Variants in MEI4 observed in about 807,000 individuals in gnomAD.
MEI4 encodes meiotic double-stranded break formation protein 4.
Under a neutral mutation model 31.4 loss-of-function variants are expected in MEI4, and 27 were observed. The ratio of observed to expected loss-of-function variants is 0.86; its 90% CI spans 0.63 to 1.19. The LOEUF (loss-of-function observed/expected upper bound fraction) is 1.19. Among genes scored for constraint, MEI4 ranks in the 50% most tolerant of loss-of-function variants. MEI4 has a pLI of 0.00. For synonymous variants in MEI4, 122 were observed against 145.4 expected (o/e 0.84, Z 1.16); for missense variants, 329 against 398.9 (o/e 0.82, Z 1.49).
chr6:77,710,135 C>A (rs1766425145), intron 2 of MEI4, among the ~76,000 whole-genome samples: 2 of 152,186 alleles, frequency 1.3e-5, no homozygotes, highest in African/African-American at 4.8e-5. Flanking sequence ...ACAGTGACAG[C>A]AAACTTAGTT....
chr6:77,826,670 G>C (rs1327708906), intron 3 of MEI4, among the ~76,000 whole-genome samples: 1 of 152,152 alleles, frequency 6.6e-6, no homozygotes, highest in Admixed American at 6.5e-5. Context: ...ACTTTAGAGG[G>C]AGTATTCCTA....
At chr6:77,755,825 G>GGTGTGTGTGTGT (rs34181852) in intron 2 of MEI4, among the ~76,000 whole-genome samples, 3,169 of 145,210 alleles carry the variant, frequency 0.022, 77 homozygotes, top group African/African-American at 0.057. Flanking sequence ...GTGCTGGAAT[G>GGTGTGTGTGTGT]GTGTGTGTGT....
chr6:77,814,947 GT>G (rs2127706090), intron 3 of MEI4, among the ~76,000 whole-genome samples: 1 of 152,072 alleles, frequency 6.6e-6, no homozygotes, highest in Non-Finnish European at 1.5e-5. Context: ...ATACTTTTTG[GT>G]TTACGTACAT....
chr6:77,909,026 C>T (rs1450575304), intron 4 of MEI4, among the ~76,000 whole-genome samples: 1 of 152,102 alleles, frequency 6.6e-6, no homozygotes, highest in East Asian at 1.9e-4. Context: ...ACAGAACTCT[C>T]CACCCCAAAT....
chr6:77,918,089 G>T (rs375465169), intron 4 of MEI4, among the ~76,000 whole-genome samples: 2 of 150,032 alleles, frequency 1.3e-5, no homozygotes, highest in African/African-American at 4.9e-5. Context: ...GATATGTGGC[G>T]TTATTTCTGA....
At chr6:77,789,934 T>C (rs1768868636) in intron 3 of MEI4, among the ~76,000 whole-genome samples, 2 of 152,162 alleles carry the variant, frequency 1.3e-5, no homozygotes, top group Non-Finnish European at 2.9e-5. Flanking sequence ...TAAATCATGC[T>C]GCTATAAAGA....
intron 2 of MEI4, among the ~76,000 whole-genome samples, chr6:77,732,085 G>A (rs1767015819): frequency 6.6e-6 from 1 of 150,632 alleles, no homozygotes; most frequent in Admixed American, 6.6e-5. Context: ...TTGTTCTTTT[G>A]ACTTAGGATT....
At position 77,806,031 on chromosome 6, in the gene MEI4, C is replaced by T. The variant is rs150258379; in HGVS notation, c.769-22900C>T. Among the ~76,000 whole-genome samples, 444 of 152,180 alleles carry T rather than the reference C, an allele frequency of 2.9e-3. 1 individual carries two copies. The highest frequency in any genetic ancestry group is 0.01 in the African/African-American group (422 of 41,534). ...TAACCTGACCTCTCACAATCCCTTT[C>T]GTCTGGCTTGTTTCATATTGCTTTG... On this transcript the variant is annotated intron_variant, in intron 3 of 4. Coordinates refer to ENST00000684080, the MANE Select transcript of MEI4 (RefSeq NM_001322247.2).
intron 1 of MEI4, among the ~76,000 whole-genome samples, chr6:77,659,381 A>T (rs1038660581): frequency 2.0e-5 from 3 of 152,164 alleles, no homozygotes; most frequent in African/African-American, 7.2e-5. Context: ...TGTGTGAGGC[A>T]AAACTGGAGA....
intron 3 of MEI4, among the ~76,000 whole-genome samples, chr6:77,810,026 C>G (rs888738864): frequency 1.3e-5 from 2 of 152,182 alleles, no homozygotes; most frequent in Non-Finnish European, 2.9e-5. Context: ...TAAGACCTGT[C>G]AAGTATGAGA....
intron 4 of MEI4, among the ~76,000 whole-genome samples, chr6:77,921,988 T>C: frequency 6.6e-6 from 1 of 151,824 alleles, no homozygotes; most frequent in East Asian, 1.9e-4. Flanking sequence ...AGTGAGCACA[T>C]GTTGGAAAAA....
At chr6:77,863,225 C>G (rs1770916652) in intron 4 of MEI4, among the ~76,000 whole-genome samples, 1 of 152,140 alleles carries the variant, frequency 6.6e-6, no homozygotes, top group Non-Finnish European at 1.5e-5. Flanking sequence ...TGGAACAAAG[C>G]TGGATAGAGA....
chr6:77,712,275 A>G (rs965644934), intron 2 of MEI4, among the ~76,000 whole-genome samples: 2 of 152,190 alleles, frequency 1.3e-5, no homozygotes, highest in Non-Finnish European at 2.9e-5. Flanking sequence ...ACATTTTAAT[A>G]TTAATACTGT....
At chr6:77,916,324 C>T (rs544612984) in intron 4 of MEI4, among the ~76,000 whole-genome samples, 8 of 152,128 alleles carry the variant, frequency 5.3e-5, no homozygotes, top group African/African-American at 1.7e-4. Flanking sequence ...TTCCTTTTAT[C>T]ATGTATCTTG....
chr6:77,884,143 A>G (rs773039096), intron 4 of MEI4, among the ~76,000 whole-genome samples: 1 of 152,018 alleles, frequency 6.6e-6, no homozygotes, highest in African/African-American at 2.4e-5. Context: ...CCTATTGCCC[A>G]CTTGTATGTC....
intron 2 of MEI4, among the ~76,000 whole-genome samples, chr6:77,748,211 A>C (rs1387248156): frequency 6.6e-6 from 1 of 152,174 alleles, no homozygotes; most frequent in Admixed American, 6.5e-5. Flanking sequence ...CTGTGGCTCC[A>C]ACCCCACGTT....
intron 3 of MEI4, among the ~76,000 whole-genome samples, chr6:77,763,870 G>T (rs192849200): frequency 1.3e-5 from 2 of 151,850 alleles, no homozygotes; most frequent in East Asian, 3.9e-4. Flanking sequence ...TTGGAGTGCC[G>T]TGGCACAATC....
chr6:77,715,065 A>G (rs950891941), intron 2 of MEI4, among the ~76,000 whole-genome samples: 1 of 152,222 alleles, frequency 6.6e-6, no homozygotes, highest in African/African-American at 2.4e-5. Flanking sequence ...AACACCTAAC[A>G]TGGGTTTGAT....
intron 4 of MEI4, among the ~76,000 whole-genome samples, chr6:77,837,497 G>A (rs1270002627): frequency 6.6e-6 from 1 of 152,164 alleles, no homozygotes; most frequent in Non-Finnish European, 1.5e-5. Context: ...TTTTAAATGA[G>A]ACCAAAGAGA....
Sources: allele counts gnomAD v4.1 joint callset (sites outside exome capture counted in the v4.1 genomes callset), GRCh38; gene constraint gnomAD v4.1.1; transcripts MANE v1.5; gene names NCBI Gene and HGNC (gene_info 2026-07-23, HGNC 2026-07-21).